Variants in GSE1 observed in about 807,000 individuals in gnomAD.
GSE1 encodes the protein genetic suppressor element 1.
A neutral mutation model predicts 112.6 loss-of-function variants in GSE1; 32 were observed. The ratio of observed to expected loss-of-function variants is 0.28; its 90% CI spans 0.21 to 0.38. The LOEUF (loss-of-function observed/expected upper bound fraction) is 0.38. Among genes scored for constraint, GSE1 ranks in the 10% least tolerant of loss-of-function variants. The pLI, the probability that GSE1 is intolerant of heterozygous loss-of-function variation, is 1.00. For synonymous variants in GSE1, 1,115 were observed against 735.6 expected (o/e 1.52, Z -8.35); for missense variants, 2,348 against 1,699.2 (o/e 1.38, Z -6.71).
intron 2 of GSE1, among the ~76,000 whole-genome samples, chr16:85,484,709 C>T (rs1046577435): frequency 2.0e-5 from 3 of 152,248 alleles, no homozygotes; most frequent in South Asian, 2.1e-4. Context: ...AATTGCACAG[C>T]AGAGCCCCGA....
rs55919597 is a variant in GSE1 at position 85,383,527 on chromosome 16, G to GTC, written c.2464+25930_2464+25931dup. Among the ~76,000 whole-genome samples, 285 of 130,802 alleles carry GTC rather than the reference G, an allele frequency of 2.2e-3. 1 individual carries two copies. The highest frequency in any genetic ancestry group is 2.1e-3 in the Non-Finnish European group (121 of 58,382). 85.8% of individuals were successfully genotyped at this position (130,802 alleles called of 152,430 possible). On this transcript the variant is annotated intron_variant, in intron 2 of 2. Coordinates refer to the GSE1 transcript ENST00000637419. ...CACACACACACACACGCACACCTGC[G>GTC]TCTCTCTCTCTCTCTCTCTCTCTCT...
In GSE1 at chr16:85,416,686, G is replaced by A. The variant is rs555012603; in HGVS notation, c.2464+59043G>A. 1.9e-4 allele frequency among the ~76,000 whole-genome samples: 29 copies of A among 152,340 alleles called. No homozygotes were observed. The South Asian group carries it at 6.0e-3, about 32-fold the overall frequency. On this transcript the variant is annotated intron_variant, in intron 2 of 2. Transcript: ENST00000637419. ...AGGTTTCCTTGCTAAGATTCTTCATGGGAACCCAAGAGTCCCTGGCAAAAT... is the reference window on the plus strand; with the variant it reads ...AGGTTTCCTTGCTAAGATTCTTCATAGGAACCCAAGAGTCCCTGGCAAAAT...
In GSE1 at chr16:85,668,179, T is replaced by G; in HGVS notation, c.3170T>G (p.Val1057Gly). ...AVLSAEQNHK[V>G]DTSVHYNIPE... Reference sequence around the variant, plus strand: ...CTGTCTGCAGAGCAGAACCACAAGGTTGACACGTCCGTCCACTACAACATT... The same window carrying G: ...CTGTCTGCAGAGCAGAACCACAAGGGTGACACGTCCGTCCACTACAACATT... The change falls in exon 14 of 16, where the codon GTT (valine) becomes GGT (glycine). Residue 1057 changes from valine to glycine, a missense_variant. Val to Gly is a moderately radical substitution (Grantham distance 109). Transcript: ENST00000253458. The G allele has an allele frequency of 6.2e-7, 1 of 1,607,266 alleles. No homozygotes were observed. The highest frequency in any genetic ancestry group is 8.5e-7 in the Non-Finnish European group (1 of 1,175,392).
intron 1 of GSE1, among the ~76,000 whole-genome samples, chr16:85,560,855 G>A (rs775189199): frequency 6.6e-6 from 1 of 152,106 alleles, no homozygotes; most frequent in African/African-American, 2.4e-5. Flanking sequence ...AGGACTGGGC[G>A]AGGTATCTTA....
At chr16:85,477,634 C>T (rs929562180) in intron 2 of GSE1, among the ~76,000 whole-genome samples, 5 of 150,792 alleles carry the variant, frequency 3.3e-5, no homozygotes, top group African/African-American at 1.2e-4. Context: ...GATCTCGGCT[C>T]ACCGCAACCT....
At position 85,514,430 on chromosome 16, in the gene GSE1, C is replaced by G. The variant is rs555320417; in HGVS notation, c.2465-119484C>G. 1.2e-3 allele frequency among the ~76,000 whole-genome samples: 113 copies of G among 96,064 alleles called. 3 individuals are homozygous for G. The highest frequency in any genetic ancestry group is 5.3e-3 in the African/African-American group (104 of 19,702). 63.0% of individuals were successfully genotyped at this position (96,064 alleles called of 152,430 possible). A position where few individuals can be genotyped will look rare whatever the true frequency, so the allele number is the denominator to read the frequency against. On this transcript the variant is annotated intron_variant, in intron 2 of 2. Coordinates refer to the GSE1 transcript ENST00000637419. ...GGATGCCCGCATGCTCTCGAGTCCC[C>G]CCCCCCACCCCAGGGCAGCTCCTGG...
At chr16:85,171,107 G>C in exon 1 of GSE1, 1 of 985,670 alleles carries the variant, frequency 1.0e-6, no homozygotes, top group Non-Finnish European at 1.2e-6. Flanking sequence ...CCCAACAAGC[G>C]CTGTGAAGTC....
At chr16:85,256,715 G>A (rs1486989093) in intron 1 of GSE1, among the ~76,000 whole-genome samples, 2 of 152,234 alleles carry the variant, frequency 1.3e-5, no homozygotes, top group African/African-American at 4.8e-5. Context: ...CCACCCAGAG[G>A]TGTTGTCAGC....
At chr16:85,173,574 C>A (rs1441341772) in intron 1 of GSE1, among the ~76,000 whole-genome samples, 1 of 152,168 alleles carries the variant, frequency 6.6e-6, no homozygotes, top group Non-Finnish European at 1.5e-5. Flanking sequence ...GGCTGGGTGC[C>A]AGTTTTATAC....
intron 1 of GSE1, among the ~76,000 whole-genome samples, chr16:85,220,512 C>T (rs1029490863): frequency 6.6e-6 from 1 of 152,242 alleles, no homozygotes; most frequent in Non-Finnish European, 1.5e-5. Context: ...CGGCCAGGAG[C>T]CTGGGGCAGC....
intron 1 of GSE1, among the ~76,000 whole-genome samples, chr16:85,343,756 G>A (rs1479590321): frequency 6.6e-6 from 1 of 152,100 alleles, no homozygotes; most frequent in Non-Finnish European, 1.5e-5. Context: ...CTCAAAAAAA[G>A]TTGAAATTTT....
chr16:85,486,839 G>T (rs748301521), intron 2 of GSE1, among the ~76,000 whole-genome samples: 2 of 152,236 alleles, frequency 1.3e-5, no homozygotes, highest in African/African-American at 4.8e-5. Context: ...CTGGGGCCTC[G>T]CCGGTGCCTG....
chr16:85,395,050 C>T (rs1464346748), intron 2 of GSE1, among the ~76,000 whole-genome samples: 1 of 151,948 alleles, frequency 6.6e-6, no homozygotes, highest in Non-Finnish European at 1.5e-5. Flanking sequence ...ATTCTCGACG[C>T]GGGGAATGGG....
intron 1 of GSE1, among the ~76,000 whole-genome samples, chr16:85,192,141 T>C (rs1170922543): frequency 4.6e-5 from 7 of 152,240 alleles, no homozygotes; most frequent in Admixed American, 3.3e-4. Context: ...GGTGCACACA[T>C]AGGCAGTACT....
intron 1 of GSE1, among the ~76,000 whole-genome samples, chr16:85,563,162 ATCCTCC>A (rs199727526): frequency 1.1e-4 from 17 of 148,654 alleles, no homozygotes; most frequent in South Asian, 4.3e-4. Context: ...TCCACATGGT[ATCCTCC>A]TCCTCCTCCT....
chr16:85,651,473 G>A (rs1273152462), intron 3 of GSE1, among the ~76,000 whole-genome samples: 24 of 152,308 alleles, frequency 1.6e-4, no homozygotes. Flanking sequence ...CCTGCGAGCA[G>A]GGCTTTGTCC....
intron 2 of GSE1, among the ~76,000 whole-genome samples, chr16:85,426,064 T>A (rs57567873): frequency 3.0e-5 from 4 of 135,326 alleles, no homozygotes; most frequent in African/African-American, 1.1e-4. Context: ...GATGGATGGA[T>A]GGATGGATGG....
intron 1 of GSE1, among the ~76,000 whole-genome samples, chr16:85,345,746 C>G (rs1324319360): frequency 2.0e-5 from 3 of 152,208 alleles, no homozygotes; most frequent in Non-Finnish European, 4.4e-5. Context: ...TCTCCCCAGC[C>G]AGAATGTCAG....
chr16:85,442,559 C>T lies in GSE1; in HGVS notation c.2464+84916C>T, dbSNP rs76433768. Among the ~76,000 whole-genome samples the T allele has an allele frequency of 2.2e-3, 342 of 152,312 alleles. 1 individual carries two copies. Among genetic ancestry groups the T allele is most frequent in the African/African-American group, 7.9e-3 (328 of 41,562 alleles). ...TAAACTGAGGCTGGGTGTTGCACAG[C>T]ATCTAGGATCTGGCCAAGTGGTCAT... On this transcript the variant is annotated intron_variant, in intron 2 of 2. Transcript: ENST00000637419.
Sources: allele counts gnomAD v4.1 joint callset (sites outside exome capture counted in the v4.1 genomes callset), GRCh38; gene constraint gnomAD v4.1.1; transcripts MANE v1.5; gene names NCBI Gene and HGNC (gene_info 2026-07-23, HGNC 2026-07-21).